CACNA1D: variants seen among roughly 807,000 people sequenced by gnomAD.
The protein encoded by CACNA1D is calcium voltage-gated channel subunit alpha1 D, also known as voltage-dependent L-type calcium channel subunit alpha-1D.
Under a neutral mutation model 257.1 loss-of-function variants are expected in CACNA1D, and 55 were observed. That is an observed-to-expected ratio of 0.21 (90% confidence interval 0.17 to 0.27). The LOEUF (loss-of-function observed/expected upper bound fraction) is 0.27. Ranked by LOEUF, CACNA1D falls within the 10% of genes least tolerant of loss-of-function variation. CACNA1D has a pLI of 1.00. For synonymous variants in CACNA1D, 980 were observed against 1,014.9 expected (o/e 0.97, Z 0.65); for missense variants, 1,876 against 2,784.0 (o/e 0.67, Z 7.34).
At position 53,762,697 on chromosome 3, in the gene CACNA1D, C is replaced by T. The variant is rs928068415; in HGVS notation, c.3870+616C>T. 5.1e-5 allele frequency: 23 copies of T among 447,504 alleles called. No homozygotes were observed. In the Admixed American group the frequency reaches 5.3e-4, roughly 10 times the overall value. The allele number at this position is 447,504 out of a possible 1,614,324, so 27.7% of individuals were successfully genotyped here. A position where few individuals can be genotyped will look rare whatever the true frequency, so the allele number is the denominator to read the frequency against. ...TTCATTAAGTCTGACATAGAAGAGA[C>T]TAGAGGCCCTGCCCTTAAATCTCCA... On this transcript the variant is annotated intron_variant, in intron 30 of 47. Transcript: ENST00000350061.
chr3:53,776,862 G>A lies in CACNA1D; in HGVS notation c.4493G>A (p.Gly1498Glu). The A allele has an allele frequency of 4.3e-6, 7 of 1,614,008 alleles. No homozygotes were observed. The highest frequency in any genetic ancestry group is 5.9e-6 in the Non-Finnish European group (7 of 1,179,882). Residue 1498 changes from glycine (G) to glutamate (E), a missense_variant and splice_region_variant, in exon 37 of 48, where the codon GGA becomes GAA. Around this residue, in one of 10 missense-constraint regions of CACNA1D, gnomAD observed 83 missense variants for 210.7 expected, o/e 0.39. Coordinates refer to ENST00000350061, the MANE Select transcript of CACNA1D (RefSeq NM_001128840.3). ...CTTAGATTGTATTTTACTTCCAGGG[G>A]AAGGATAAAACACCTTGATGTGGTC... ...IWSEYDPEAK[G>E]RIKHLDVVTL...
chr3:53,762,723 C>T (rs2095310616), intron 30 of CACNA1D: 3 of 413,742 alleles, frequency 7.3e-6, no homozygotes, highest in South Asian at 1.7e-5. Flanking sequence ...TAAATCTCCA[C>T]ACACTTTAGA....
chr3:53,796,213 G>T (rs982305010), intron 40 of CACNA1D: 1 of 392,642 alleles, frequency 2.5e-6, no homozygotes, highest in African/African-American at 2.1e-5. Flanking sequence ...ACCAGAACTT[G>T]TCACCAGCGA....
chr3:53,800,466 A>C lies in CACNA1D; in HGVS notation c.5040+101A>C, dbSNP rs1193284206. On this transcript the variant is annotated intron_variant, in intron 41 of 47. Coordinates refer to ENST00000350061, the MANE Select transcript of CACNA1D (RefSeq NM_001128840.3). The surrounding 1 kb of genome is among the most constrained non-coding windows in gnomAD (Gnocchi z 4.3). ...ATCCACAGAAGAGTCTGGAGAATGC[A>C]GCCCATCCCCAGGGCCTAGAGGGGC... 1.2e-6 allele frequency: 1 copy of C among 859,478 alleles called. No individual in the cohort carries two copies. Among genetic ancestry groups the C allele is most frequent in the Admixed American group, 1.7e-5 (1 of 58,942 alleles). 53.2% of individuals were successfully genotyped at this position (859,478 alleles called of 1,614,324 possible). A position where few individuals can be genotyped will look rare whatever the true frequency, so the allele number is the denominator to read the frequency against.
chr3:53,660,193 C>G lies in CACNA1D; in HGVS notation c.684C>G (p.Ser228Arg). ...AAACAGAAGGCGGGAACCACTCAAG[C>G]GGCAAATCTGGAGGCTTTGATGTCA... Reference protein sequence around the residue: ...TKETEGGNHSSGKSGGFDVKA... With the variant: ...TKETEGGNHSRGKSGGFDVKA... Residue 228 changes from serine (S) to arginine (R), a missense_variant, in exon 5 of 48, where the codon AGC becomes AGG. Ser to Arg is a moderately radical substitution (Grantham distance 110). Transcript: ENST00000350061. 6.2e-7 allele frequency: 1 copy of G among 1,613,854 alleles called. No individual in the cohort carries two copies. Among genetic ancestry groups the G allele is most frequent in the Non-Finnish European group, 8.5e-7 (1 of 1,179,752 alleles).
intron 40 of CACNA1D, chr3:53,791,123 C>T (rs2095480498): frequency 1.5e-6 from 1 of 687,248 alleles, no homozygotes. Flanking sequence ...AGAAGAAATG[C>T]AGGAAAAAGC....
intron 3 of CACNA1D, among the ~76,000 whole-genome samples, chr3:53,524,796 A>G (rs1400162867): frequency 3.3e-5 from 5 of 152,262 alleles, no homozygotes; most frequent in African/African-American, 1.2e-4. Flanking sequence ...TTTTCAGCCA[A>G]GGAAAGAAAA....
chr3:53,782,264 G>GTGTGTGTATATATATA (rs6147823), intron 39 of CACNA1D: 148 of 75,444 alleles, frequency 2.0e-3, no homozygotes, highest in African/African-American at 5.5e-3. Flanking sequence ...GTGTGTGTGT[G>GTGTGTGTATATATATA]TATATATATA....
chr3:53,698,261 A>G (rs554286094), intron 8 of CACNA1D, among the ~76,000 whole-genome samples: 9 of 152,248 alleles, frequency 5.9e-5, no homozygotes, highest in Non-Finnish European at 1.3e-4. Context: ...CCCTCCTTCC[A>G]CAGCGAGAAC....
chr3:53,497,094 C>G, intron 1 of CACNA1D, 58 bp from the exon 2 acceptor site: 1 of 1,358,260 alleles, frequency 7.4e-7, no homozygotes, highest in South Asian at 1.2e-5. Context: ...ATTTTTTTCT[C>G]CTACCCACTG....
chr3:53,550,529 T>C (rs969060327), intron 3 of CACNA1D, among the ~76,000 whole-genome samples: 5 of 152,240 alleles, frequency 3.3e-5, no homozygotes, highest in African/African-American at 1.2e-4. Flanking sequence ...GTTTCTTCTT[T>C]GAATAGATGT....
At chr3:53,803,687 TG>T (rs947398049) in intron 44 of CACNA1D, 115 bp downstream of exon 44, 5 of 987,150 alleles carry the variant, frequency 5.1e-6, no homozygotes, top group Non-Finnish European at 8.0e-6. Context: ...AAAAGCAAAA[TG>T]GGAGCAGAAA....
chr3:53,608,156 A>T (rs1163711068), intron 3 of CACNA1D, among the ~76,000 whole-genome samples: 1 of 151,556 alleles, frequency 6.6e-6, no homozygotes, highest in Non-Finnish European at 1.5e-5. Flanking sequence ...ATTTATTTAG[A>T]TTTGATTTAA....
rs1167420078 is a variant in CACNA1D, at chr3:53,749,787, A to G, written c.3516+318A>G. On this transcript the variant is annotated intron_variant, in intron 27 of 47. Transcript: ENST00000350061. Reference sequence around the variant, plus strand: ...GAATCTTAGTTGGGGTGCTGTGGCCACTCACACAGACATTCACAGTCCCTA... The same window carrying G: ...GAATCTTAGTTGGGGTGCTGTGGCCGCTCACACAGACATTCACAGTCCCTA... Among the ~76,000 whole-genome samples, 3 of 152,204 alleles carry G rather than the reference A, an allele frequency of 2.0e-5. No homozygotes were observed. The East Asian group carries it at 5.8e-4, about 29-fold the overall frequency.
rs4687730 is a variant in CACNA1D at position 53,535,240 on chromosome 3, G to A, written c.483+33520G>A. Among the ~76,000 whole-genome samples, 162 of 152,240 alleles carry A rather than the reference G, an allele frequency of 1.1e-3. 1 individual carries two copies. The highest frequency in any genetic ancestry group is 9.7e-3 in the Admixed American group (149 of 15,288). On this transcript the variant is annotated intron_variant, in intron 3 of 47. Coordinates refer to ENST00000350061, the MANE Select transcript of CACNA1D (RefSeq NM_001128840.3). Reference sequence around the variant, plus strand: ...CTGGGCACTCTCCCCTGAGTGCATCGGTGACGTAAAGGCAGGCAGGCAGGA... The same window carrying A: ...CTGGGCACTCTCCCCTGAGTGCATCAGTGACGTAAAGGCAGGCAGGCAGGA...
Position 53,793,106 on chromosome 3 carries a change from G to A in CACNA1D, c.4923+6154G>A, listed in dbSNP as rs2095491880. 6.6e-6 allele frequency among the ~76,000 whole-genome samples: 1 copy of A among 152,172 alleles called. No homozygotes were observed. The highest frequency in any genetic ancestry group is 1.5e-5 in the Non-Finnish European group (1 of 68,022). On this transcript the variant is annotated intron_variant, in intron 40 of 47. Transcript: ENST00000350061. The surrounding 1 kb of genome is among the most constrained non-coding windows in gnomAD (Gnocchi z 4.1). ...ACAGCTGCACCTGGTATCAACCGCT[G>A]TTACCCTAGCACCTGAGTCTCCTTC...
intron 3 of CACNA1D, among the ~76,000 whole-genome samples, chr3:53,590,838 G>C (rs1044986263): frequency 6.6e-6 from 1 of 152,198 alleles, no homozygotes; most frequent in African/African-American, 2.4e-5. Flanking sequence ...GAGAAGCACT[G>C]AGCACTTGGT....
intron 3 of CACNA1D, among the ~76,000 whole-genome samples, chr3:53,576,132 G>A (rs1267411168): frequency 6.6e-6 from 1 of 152,140 alleles, no homozygotes; most frequent in African/African-American, 2.4e-5. Flanking sequence ...CCTCAGATAA[G>A]ACACTTAACC....
At chr3:53,768,375 A>C (rs1023746342) in intron 30 of CACNA1D, among the ~76,000 whole-genome samples, 1 of 152,252 alleles carries the variant, frequency 6.6e-6, no homozygotes, top group Non-Finnish European at 1.5e-5. Flanking sequence ...CTTAGCATGC[A>C]CACTCACACC....
Sources: allele counts gnomAD v4.1 joint callset (sites outside exome capture counted in the v4.1 genomes callset), GRCh38; gene constraint gnomAD v4.1.1; regional missense constraint gnomAD v4.1.1; non-coding constraint Gnocchi (gnomAD v3.1); transcripts MANE v1.5; gene names NCBI Gene and HGNC (gene_info 2026-07-23, HGNC 2026-07-21).